PKIA: variants seen among roughly 807,000 people sequenced by gnomAD.
PKIA encodes the protein PKI-alpha.
A neutral mutation model predicts 7.6 loss-of-function variants in PKIA; 4 were observed. The observed-to-expected ratio is 0.52, with a 90% confidence interval of 0.26 to 1.20. The LOEUF is 1.20. PKIA is among the 50% of genes most tolerant of loss of function. The probability of loss-of-function intolerance (pLI) is 0.13; values close to 1 mark genes in which losing one functional copy is unlikely to be tolerated. For synonymous variants in PKIA, 21 were observed against 30.7 expected, an observed-to-expected ratio of 0.68 and a Z score of 1.04; for missense variants, 73 against 86.2, an observed-to-expected ratio of 0.85 and a Z score of 0.61.
At chr8:78,525,477 A>G (rs1809524430) in intron 1 of PKIA, among the ~76,000 whole-genome samples, 1 of 152,044 alleles carries the variant, frequency 6.6e-6, no homozygotes, top group African/African-American at 2.4e-5. Context: ...ATCTGACACT[A>G]AACAGTCCAT....
intron 1 of PKIA, among the ~76,000 whole-genome samples, chr8:78,544,432 A>T (rs185384486): frequency 2.0e-5 from 3 of 152,062 alleles, no homozygotes; most frequent in African/African-American, 4.8e-5. Flanking sequence ...TGTCCTTCTC[A>T]TGGGTTCACC....
At chr8:78,563,905 C>T (rs1262673106) in intron 1 of PKIA, among the ~76,000 whole-genome samples, 4 of 151,906 alleles carry the variant, frequency 2.6e-5, no homozygotes, top group East Asian at 1.9e-4. Flanking sequence ...AGGAGTAGGT[C>T]GGCTGTGGAA....
chr8:78,535,204 G>A (rs1349851391), intron 1 of PKIA: 2 of 152,174 alleles, frequency 1.3e-5, no homozygotes, highest in African/African-American at 4.8e-5. Context: ...CTGCCATGAT[G>A]TAAGATTGAT....
intron 1 of PKIA, among the ~76,000 whole-genome samples, chr8:78,523,374 G>A (rs931146757): frequency 6.6e-6 from 1 of 151,868 alleles, no homozygotes; most frequent in Non-Finnish European, 1.5e-5. Flanking sequence ...AAAAGCAGAC[G>A]TAAAACAAAT....
At chr8:78,557,422 T>C (rs1807166335) in intron 1 of PKIA, among the ~76,000 whole-genome samples, 1 of 152,194 alleles carries the variant, frequency 6.6e-6, no homozygotes, top group South Asian at 2.1e-4. Flanking sequence ...AATAATGACA[T>C]TGTTTAAACA....
intron 2 of PKIA, among the ~76,000 whole-genome samples, chr8:78,574,852 A>AT (rs35344792): frequency 2.6e-4 from 40 of 151,768 alleles, no homozygotes; most frequent in African/African-American, 8.4e-4. Flanking sequence ...TGTAGCTATC[A>AT]TTTTTTTTAA....
At chr8:78,552,776 T>C (rs1284694986) in intron 1 of PKIA, among the ~76,000 whole-genome samples, 1 of 152,008 alleles carries the variant, frequency 6.6e-6, no homozygotes, top group Non-Finnish European at 1.5e-5. Flanking sequence ...TGTCTTTCCA[T>C]AGAATAAATA....
chr8:78,552,345 AAG>A (rs1807005714), intron 1 of PKIA, among the ~76,000 whole-genome samples: 1 of 149,766 alleles, frequency 6.7e-6, no homozygotes, highest in South Asian at 2.1e-4. Context: ...AAAAAAAAAA[AAG>A]GAAGTTGCAT....
intron 1 of PKIA, among the ~76,000 whole-genome samples, chr8:78,566,588 A>G (rs543224076): frequency 6.6e-6 from 1 of 152,228 alleles, no homozygotes; most frequent in African/African-American, 2.4e-5. Context: ...TGATGAGCAT[A>G]CTATCCTGTA....
chr8:78,582,967 C>A (rs1376664380), intron 2 of PKIA, among the ~76,000 whole-genome samples: 1 of 152,130 alleles, frequency 6.6e-6, no homozygotes, highest in African/African-American at 2.4e-5. Context: ...TTCTCAACTC[C>A]ACACTTAGAA....
intron 1 of PKIA, among the ~76,000 whole-genome samples, chr8:78,529,836 G>A (rs1399141046): frequency 9.2e-5 from 14 of 152,054 alleles, no homozygotes; most frequent in African/African-American, 3.4e-4. Flanking sequence ...AATTTAAAAT[G>A]TAAAAGTCAA....
chr8:78,598,360 C>T lies in PKIA; in HGVS notation c.-25C>T. ...ATTAATTTTCCTTTCTTTTGTAGTC[C>T]CTGCTATGTGGATATTTGGTAGCAA... On this transcript the variant is annotated splice_region_variant and 5_prime_UTR_variant, in exon 3 of 4. Coordinates refer to ENST00000396418, the MANE Select transcript of PKIA (RefSeq NM_006823.4). The T allele has an allele frequency of 6.3e-7, 1 of 1,581,630 alleles. No individual in the cohort carries two copies. The highest frequency in any genetic ancestry group is 8.6e-7 in the Non-Finnish European group (1 of 1,158,382).
Position 78,604,334 on chromosome 8 carries a change from T to G in PKIA, c.*2513T>G, listed in dbSNP as rs1300788466. The stretch of plus-strand genomic sequence containing the variant: ...TATAAGCACTCAATAAAATATAACC[T>G]TTAGAAGCTTAAAAAGCTAGTAAGT... On this transcript the variant is annotated 3_prime_UTR_variant, in exon 4 of 4. Transcript: ENST00000396418. The G allele has an allele frequency of 2.0e-5, 3 of 151,978 alleles. No homozygotes were observed. Among genetic ancestry groups the G allele is most frequent in the African/African-American group, 7.2e-5 (3 of 41,430 alleles). The allele number at this position is 151,978 out of a possible 1,614,324, so 9.4% of individuals were successfully genotyped here. A position where few individuals can be genotyped will look rare whatever the true frequency, so the allele number is the denominator to read the frequency against.
chr8:78,564,653 T>C (rs1412557811), intron 1 of PKIA, among the ~76,000 whole-genome samples: 3 of 151,942 alleles, frequency 2.0e-5, no homozygotes, highest in African/African-American at 7.2e-5. Flanking sequence ...AAATAATTTA[T>C]ATTTAGAAAA....
chr8:78,583,682 GT>G (rs2130216821), intron 2 of PKIA, among the ~76,000 whole-genome samples: 1 of 152,182 alleles, frequency 6.6e-6, no homozygotes, highest in East Asian at 1.9e-4. Flanking sequence ...GGAGATTATA[GT>G]TGGAGACAGC....
chr8:78,527,379 T>C (rs987806334), intron 1 of PKIA, among the ~76,000 whole-genome samples: 1 of 152,014 alleles, frequency 6.6e-6, no homozygotes, highest in African/African-American at 2.4e-5. Flanking sequence ...TATAATTATG[T>C]ATATGTGTAT....
In PKIA at chr8:78,543,191, A is replaced by G. The variant is rs149164914; in HGVS notation, c.-157+26723A>G. 6.2e-3 allele frequency among the ~76,000 whole-genome samples: 946 copies of G among 152,324 alleles called. 14 individuals carry two copies. Among genetic ancestry groups the G allele is most frequent in the African/African-American group, 0.021 (893 of 41,580 alleles). ...ATATTTTAAGATTTGCTTTTAAATA[A>G]TGCAACCCAGAGAGCTGTGTGCTTG... is the stretch of plus-strand genomic sequence containing the variant. On this transcript the variant is annotated intron_variant, in intron 1 of 3. Transcript: ENST00000396418.
intron 1 of PKIA, among the ~76,000 whole-genome samples, chr8:78,531,397 A>G (rs958148167): frequency 6.6e-6 from 1 of 152,160 alleles, no homozygotes; most frequent in African/African-American, 2.4e-5. Flanking sequence ...CATTTAGCTG[A>G]TCAGCTATTC....
chr8:78,569,000 A>T (rs1190872898), intron 1 of PKIA, among the ~76,000 whole-genome samples: 1 of 152,102 alleles, frequency 6.6e-6, no homozygotes, highest in African/African-American at 2.4e-5. Context: ...CCCGTCAGGA[A>T]GGAGACTTAA....
Sources: gnomAD v4.1 joint callset for allele counts (sites outside exome capture counted in the v4.1 genomes callset) on GRCh38, gnomAD v4.1.1 for gene constraint, MANE v1.5 for transcripts, NCBI Gene and HGNC (gene_info 2026-07-23, HGNC 2026-07-21) for gene names.